Variants in SNTG1 observed in about 807,000 individuals in gnomAD.
SNTG1 encodes the protein gamma-1-syntrophin.
Under a neutral mutation model 74.7 loss-of-function variants are expected in SNTG1, and 39 were observed. The observed-to-expected ratio is 0.52, with a 90% CI of 0.40 to 0.68. The LOEUF is 0.68. Ranked by LOEUF, SNTG1 falls within the 30% of genes least tolerant of loss-of-function variation. The pLI is 0.00. For synonymous variants in SNTG1, 254 were observed against 217.1 expected (o/e 1.17, Z -1.49); for missense variants, 685 against 609.5 (o/e 1.12, Z -1.30).
intron 2 of SNTG1, among the ~76,000 whole-genome samples, chr8:50,337,201 T>C (rs2091171200): frequency 6.6e-6 from 1 of 152,314 alleles, no homozygotes; most frequent in African/African-American, 2.4e-5. Flanking sequence ...CAACTCTTCT[T>C]CTAATCACAG....
chr8:50,130,782 A>G (rs78628414), intron 1 of SNTG1, among the ~76,000 whole-genome samples: 6,733 of 152,178 alleles, frequency 0.044, 179 homozygotes, highest in Middle Eastern at 0.088. Flanking sequence ...TTGGGTAAAC[A>G]TAAATAAACA....
intron 8 of SNTG1, among the ~76,000 whole-genome samples, chr8:50,461,156 GGTGTGTGTGTGTGT>G (rs71233496): frequency 1.4e-3 from 169 of 124,172 alleles, no homozygotes; most frequent in African/African-American, 4.3e-3. Flanking sequence ...AGATTTTTCT[GGTGTGTGTGTGTGT>G]GTGTGTGTGT....
At chr8:50,770,730 A>T (rs994129453) in intron 18 of SNTG1, among the ~76,000 whole-genome samples, 2 of 152,084 alleles carry the variant, frequency 1.3e-5, no homozygotes, top group Non-Finnish European at 2.9e-5. Context: ...ATAGTGGTGA[A>T]TAATGCCCTC....
At chr8:50,271,355 A>T (rs2087769873) in intron 2 of SNTG1, among the ~76,000 whole-genome samples, 1 of 152,146 alleles carries the variant, frequency 6.6e-6, no homozygotes, top group Non-Finnish European at 1.5e-5. Context: ...AGACTCAGAA[A>T]GGTTTTAGGT....
intron 2 of SNTG1, among the ~76,000 whole-genome samples, chr8:50,387,418 A>G (rs2092592478): frequency 6.6e-6 from 1 of 151,990 alleles, no homozygotes; most frequent in South Asian, 2.1e-4. Flanking sequence ...ACATTCCAGT[A>G]CTCTTAAGTC....
intron 2 of SNTG1, among the ~76,000 whole-genome samples, chr8:50,173,969 C>T (rs546617129): frequency 4.1e-4 from 62 of 152,258 alleles, no homozygotes; most frequent in African/African-American, 1.4e-3. Context: ...GGTATTTGTC[C>T]TAATGCTCTC....
At position 50,795,669 on chromosome 8, in the gene SNTG1, C is replaced by T. The variant is rs1391604648; in HGVS notation, c.*2840C>T. ...TGGAGAATATTGTAGGTATTTAGGT[C>T]AGAGAATGAAGTTCAAAGTCATTTG... On this transcript the variant is annotated 3_prime_UTR_variant, in exon 19 of 19. Coordinates refer to ENST00000642720, the MANE Select transcript of SNTG1 (RefSeq NM_018967.5). 6.6e-6 allele frequency: 1 copy of T among 151,884 alleles called. No homozygotes were observed. Among genetic ancestry groups the T allele is most frequent in the Non-Finnish European group, 1.5e-5 (1 of 67,938 alleles). The allele number at this position is 151,884 out of a possible 1,614,324, so 9.4% of individuals were successfully genotyped here.
chr8:50,168,506 G>A lies in SNTG1; in HGVS notation c.-102-4055G>A, dbSNP rs10111355. 9.0e-3 allele frequency among the ~76,000 whole-genome samples: 1,376 copies of A among 152,142 alleles called. 23 individuals carry two copies. The highest frequency in any genetic ancestry group is 0.032 in the African/African-American group (1,322 of 41,524). On this transcript the variant is annotated intron_variant, in intron 1 of 18. Transcript: ENST00000642720. ...CATTTTTCTTGTTTTACTTTAGTGTGATAGTTGACAAAGACAAAACCTTAA... is the reference window on the plus strand; with the variant it reads ...CATTTTTCTTGTTTTACTTTAGTGTAATAGTTGACAAAGACAAAACCTTAA...
At chr8:50,329,996 A>G (rs1453430636) in intron 2 of SNTG1, among the ~76,000 whole-genome samples, 1 of 152,186 alleles carries the variant, frequency 6.6e-6, no homozygotes, top group Non-Finnish European at 1.5e-5. Context: ...CATTTGCTCC[A>G]GTTCCCAAGA....
At chr8:50,296,627 G>A (rs904550030) in intron 2 of SNTG1, among the ~76,000 whole-genome samples, 3 of 152,118 alleles carry the variant, frequency 2.0e-5, no homozygotes, top group Non-Finnish European at 4.4e-5. Flanking sequence ...TGGAGGGCAA[G>A]GGGAGGGAAA....
intron 1 of SNTG1, among the ~76,000 whole-genome samples, chr8:49,928,119 A>C (rs189468623): frequency 0.014 from 2,054 of 148,108 alleles, 50 homozygotes; most frequent in African/African-American, 0.046. Context: ...ACAGAGTGAG[A>C]CTCTGTGAAA....
chr8:50,349,138 A>G (rs1484790452), intron 2 of SNTG1, among the ~76,000 whole-genome samples: 1 of 152,242 alleles, frequency 6.6e-6, no homozygotes, highest in Non-Finnish European at 1.5e-5. Flanking sequence ...TATGATGAAT[A>G]CATTGTCCCT....
chr8:50,688,148 G>C (rs1212602163), intron 15 of SNTG1, among the ~76,000 whole-genome samples: 1 of 152,084 alleles, frequency 6.6e-6, no homozygotes, highest in African/African-American at 2.4e-5. Context: ...TGAAGATTCT[G>C]TATATTAGCC....
intron 2 of SNTG1, among the ~76,000 whole-genome samples, chr8:50,296,632 G>A (rs1318174500): frequency 3.3e-5 from 5 of 152,102 alleles, no homozygotes; most frequent in Non-Finnish European, 5.9e-5. Context: ...GGCAAGGGGA[G>A]GGAAAGCATT....
rs2080785415 is a variant in SNTG1 at position 50,115,576 on chromosome 8, A to AACAAAAAAAAAAAAAAAAAAC, written c.-102-56984_-102-56983insCAAAAAAAAAAAAAAAAAACA. ...GAGCGAGACTCTGTCTCAAAAAAAAAAAAAAAAAAAACGAGATGGTTGAAG... is the reference window on the plus strand; with the variant it reads ...GAGCGAGACTCTGTCTCAAAAAAAAAACAAAAAAAAAAAAAAAAAACAAAAAAAAAAACGAGATGGTTGAAG... On this transcript the variant is annotated intron_variant, in intron 1 of 18. Coordinates refer to ENST00000642720, the MANE Select transcript of SNTG1 (RefSeq NM_018967.5). 7.6e-4 allele frequency among the ~76,000 whole-genome samples: 63 copies of AACAAAAAAAAAAAAAAAAAAC among 82,906 alleles called. 10 individuals are homozygous for AACAAAAAAAAAAAAAAAAAAC. Among genetic ancestry groups the AACAAAAAAAAAAAAAAAAAAC allele is most frequent in the South Asian group, 4.6e-3 (9 of 1,978 alleles). 54.4% of individuals were successfully genotyped at this position (82,906 alleles called of 152,430 possible).
At position 50,724,261 on chromosome 8, in the gene SNTG1, G is replaced by A. The variant is rs182785631; in HGVS notation, c.1284+15283G>A. Among the ~76,000 whole-genome samples the A allele has an allele frequency of 9.1e-4, 138 of 152,252 alleles. 2 individuals carry two copies. The highest frequency in any genetic ancestry group is 6.8e-3 in the Middle Eastern group (2 of 294). On this transcript the variant is annotated intron_variant, in intron 17 of 18. Coordinates refer to ENST00000642720, the MANE Select transcript of SNTG1 (RefSeq NM_018967.5). ...AGATAATCACAAACAAAGCAACAGA[G>A]GTGCCAAATGATTTTAAGTAAGGAA...
At chr8:49,989,141 A>G (rs1813446958) in intron 1 of SNTG1, among the ~76,000 whole-genome samples, 1 of 151,998 alleles carries the variant, frequency 6.6e-6, no homozygotes, top group African/African-American at 2.4e-5. Flanking sequence ...TAGAAGATAT[A>G]GAAAATTGGG....
chr8:50,449,804 C>A, intron 6 of SNTG1, 79 bp downstream of exon 6: 1 of 1,234,522 alleles, frequency 8.1e-7, no homozygotes, highest in South Asian at 1.9e-5. Context: ...TTCAAGAATC[C>A]TAAATTACAA....
intron 2 of SNTG1, among the ~76,000 whole-genome samples, chr8:50,195,135 C>A (rs935373904): frequency 1.3e-5 from 2 of 152,046 alleles, no homozygotes; most frequent in Admixed American, 6.6e-5. Flanking sequence ...GTGGAGAATG[C>A]AAGTGAGGTT....
Sources: allele counts gnomAD v4.1 joint callset (sites outside exome capture counted in the v4.1 genomes callset), GRCh38; gene constraint gnomAD v4.1.1; transcripts MANE v1.5; gene names NCBI Gene and HGNC (gene_info 2026-07-23, HGNC 2026-07-21).